SOAT1: variants seen among roughly 807,000 people sequenced by gnomAD.
SOAT1 encodes acyl-coenzyme A:cholesterol acyltransferase 1.
In SOAT1, 55 loss-of-function variants were observed where a neutral mutation model predicts 69.5. That is an observed-to-expected ratio of 0.79 (90% confidence interval 0.64 to 0.99). The LOEUF (loss-of-function observed/expected upper bound fraction) is 0.99. SOAT1 is among the 50% of genes least tolerant of loss of function. The probability of loss-of-function intolerance (pLI) is 0.00; values close to 1 mark genes in which losing one functional copy is unlikely to be tolerated. For synonymous variants in SOAT1, 231 were observed against 224.7 expected (o/e 1.03, Z -0.25); for missense variants, 580 against 669.3 (o/e 0.87, Z 1.47).
intron 2 of SOAT1, among the ~76,000 whole-genome samples, chr1:179,314,869 AG>A (rs1665339533): frequency 6.6e-6 from 1 of 152,220 alleles, no homozygotes; most frequent in Non-Finnish European, 1.5e-5. Context: ...TAAAAGAGAT[AG>A]CATTTATTCA....
At position 179,357,028 on chromosome 1, in the gene SOAT1, A is replaced by T. The variant is rs1483182092; in HGVS notation, c.*3387A>T. ...TTTCAGTGACTTGCTTACTAATCTT[A>T]TGCAAAATTTCATGTAATTTATGTA... On this transcript the variant is annotated 3_prime_UTR_variant, in exon 16 of 16. Transcript: ENST00000367619. The T allele has an allele frequency of 6.6e-6, 1 of 152,158 alleles. No individual in the cohort carries two copies. Among genetic ancestry groups the T allele is most frequent in the African/African-American group, 2.4e-5 (1 of 41,444 alleles). The allele number at this position is 152,158 out of a possible 1,614,324, so 9.4% of individuals were successfully genotyped here. A position where few individuals can be genotyped will look rare whatever the true frequency, so the allele number is the denominator to read the frequency against.
At chr1:179,309,300 TCTCGAA>T (rs142886209) in intron 2 of SOAT1, among the ~76,000 whole-genome samples, 2 of 152,298 alleles carry the variant, frequency 1.3e-5, no homozygotes, top group Non-Finnish European at 2.9e-5. Context: ...GTCAGGCTGG[TCTCGAA>T]CTCCTGACCT....
chr1:179,326,531 A>C (rs960700512), intron 3 of SOAT1, among the ~76,000 whole-genome samples: 4 of 137,134 alleles, frequency 2.9e-5, no homozygotes, highest in African/African-American at 1.1e-4. Flanking sequence ...ACCATTGTTT[A>C]TTAATTGTAA....
intron 3 of SOAT1, among the ~76,000 whole-genome samples, chr1:179,332,488 T>C (rs1489596050): frequency 6.6e-6 from 1 of 152,178 alleles, no homozygotes; most frequent in East Asian, 1.9e-4. Flanking sequence ...GCTCTAAAAA[T>C]GTAGTTTACT....
intron 2 of SOAT1, among the ~76,000 whole-genome samples, chr1:179,303,689 A>G (rs1325843697): frequency 2.6e-5 from 4 of 152,216 alleles, no homozygotes; most frequent in African/African-American, 9.6e-5. Flanking sequence ...GTTTATTGAT[A>G]GGCTCTTAGT....
At chr1:179,299,857 C>T (rs897058657) in intron 1 of SOAT1, among the ~76,000 whole-genome samples, 5 of 140,738 alleles carry the variant, frequency 3.6e-5, no homozygotes, top group African/African-American at 1.3e-4. Flanking sequence ...GGGTTCATGC[C>T]ATTCTCCTGC....
intron 3 of SOAT1, among the ~76,000 whole-genome samples, chr1:179,323,981 G>A (rs1308223344): frequency 6.6e-6 from 1 of 152,130 alleles, no homozygotes; most frequent in African/African-American, 2.4e-5. Context: ...TGTGGAGGGC[G>A]AAGAACACTT....
intron 2 of SOAT1, among the ~76,000 whole-genome samples, chr1:179,323,045 C>CTTTTTTTTTTTTTTTTTTTTTTTTT (rs36045111): frequency 1.6e-5 from 2 of 126,738 alleles, no homozygotes; most frequent in Non-Finnish European, 3.2e-5. Flanking sequence ...TCTTTTCTTT[C>CTTTTTTTTTTTTTTTTTTTTTTTTT]TTTTTTTTTT....
At chr1:179,342,292 C>T (rs959633530) in intron 8 of SOAT1, 100 bp downstream of exon 8, 1 of 650,968 alleles carries the variant, frequency 1.5e-6, no homozygotes. Context: ...TCTTTCCTTC[C>T]CTCCCTCCCT....
chr1:179,318,086 C>T lies in SOAT1; in HGVS notation c.119-5351C>T, dbSNP rs761926878. 4.6e-5 allele frequency among the ~76,000 whole-genome samples: 7 copies of T among 151,800 alleles called. No homozygotes were observed. In the South Asian group the frequency reaches 6.2e-4, roughly 14 times the overall value. ...GGCACACATCTATGGTCCCAGCTAGCGGGGCGGCTGATGCAGGAGGATCAC... is the reference window on the plus strand; with the variant it reads ...GGCACACATCTATGGTCCCAGCTAGTGGGGCGGCTGATGCAGGAGGATCAC... On this transcript the variant is annotated intron_variant, in intron 2 of 15. Coordinates refer to ENST00000367619, the MANE Select transcript of SOAT1 (RefSeq NM_003101.6).
chr1:179,304,773 C>T (rs1338805930), intron 2 of SOAT1, among the ~76,000 whole-genome samples: 3 of 151,910 alleles, frequency 2.0e-5, no homozygotes, highest in Non-Finnish European at 4.4e-5. Flanking sequence ...CTCACCCTCC[C>T]GAGTAGCTGG....
intron 3 of SOAT1, among the ~76,000 whole-genome samples, chr1:179,326,709 C>T (rs1300460834): frequency 6.6e-6 from 1 of 152,016 alleles, no homozygotes; most frequent in Non-Finnish European, 1.5e-5. Flanking sequence ...AGGCATGTGC[C>T]ACCATGCCCG....
chr1:179,313,725 T>C (rs1206350433), intron 2 of SOAT1, among the ~76,000 whole-genome samples: 1 of 152,160 alleles, frequency 6.6e-6, no homozygotes, highest in Non-Finnish European at 1.5e-5. Context: ...GCTGGGATTA[T>C]AGGCATGCGC....
intron 2 of SOAT1, among the ~76,000 whole-genome samples, chr1:179,305,030 T>C (rs1220246222): frequency 6.6e-6 from 1 of 152,230 alleles, no homozygotes; most frequent in Non-Finnish European, 1.5e-5. Context: ...TGCTAATATA[T>C]TTACAAGGTT....
intron 3 of SOAT1, among the ~76,000 whole-genome samples, chr1:179,325,147 A>ATT (rs35938597): frequency 0.21 from 20,366 of 96,486 alleles, 4,127 homozygotes; most frequent in East Asian, 0.41. Context: ...TTAGTGACTA[A>ATT]TTTTTTTTTT....
At chr1:179,335,928 G>A (rs72715598) in intron 4 of SOAT1, among the ~76,000 whole-genome samples, 31,180 of 152,022 alleles carry the variant, frequency 0.21, 3,511 homozygotes, top group East Asian at 0.46. Flanking sequence ...GAAAGCTGAG[G>A]CAGGTGGAAC....
chr1:179,342,008 A>C, intron 7 of SOAT1, 106 bp from the exon 8 acceptor site: 1 of 1,446,952 alleles, frequency 6.9e-7, no homozygotes, highest in East Asian at 2.4e-5. Flanking sequence ...TACACTTATC[A>C]GGATTTTCTG....
In SOAT1 at chr1:179,353,945, T is replaced by G; in HGVS notation, c.*304T>G. ...AGCTTTATCCCTTGGTAATTATATC[T>G]GTTTTGTTTCTTGACTCTGTCCAAT... is the stretch of plus-strand genomic sequence containing the variant. On this transcript the variant is annotated 3_prime_UTR_variant, in exon 16 of 16. Coordinates refer to ENST00000367619, the MANE Select transcript of SOAT1 (RefSeq NM_003101.6). 3.2e-6 allele frequency: 1 copy of G among 308,488 alleles called. No homozygotes were observed. The highest frequency in any genetic ancestry group is 6.0e-6 in the Non-Finnish European group (1 of 167,756). 19.1% of individuals were successfully genotyped at this position (308,488 alleles called of 1,614,324 possible).
At chr1:179,339,611 T>C in intron 6 of SOAT1, 66 bp downstream of exon 6, 1 of 1,034,988 alleles carries the variant, frequency 9.7e-7, no homozygotes, top group Non-Finnish European at 1.4e-6. Flanking sequence ...CACTAAATTT[T>C]GGTAAAGGGT....
Sources: gnomAD v4.1 joint callset for allele counts (sites outside exome capture counted in the v4.1 genomes callset) on GRCh38, gnomAD v4.1.1 for gene constraint, MANE v1.5 for transcripts, NCBI Gene and HGNC (gene_info 2026-07-23, HGNC 2026-07-21) for gene names.